Variants in SPOCK1 observed in about 807,000 individuals in gnomAD.
The protein encoded by SPOCK1 is SPARC (osteonectin), cwcv and kazal like domains proteoglycan 1.
Under a neutral mutation model 55.3 loss-of-function variants are expected in SPOCK1, and 23 were observed. The observed-to-expected ratio is 0.42, with a 90% confidence interval of 0.30 to 0.59. The LOEUF (loss-of-function observed/expected upper bound fraction) is 0.59, where lower values mean the gene tolerates loss of function less well. Among genes scored for constraint, SPOCK1 ranks in the 20% least tolerant of loss-of-function variants. The probability of loss-of-function intolerance (pLI) is 0.22; values close to 1 mark genes in which losing one functional copy is unlikely to be tolerated. For missense variants in SPOCK1, 499 were observed against 552.5 expected (o/e 0.90, Z 0.97); for synonymous variants, 226 against 221.0 (o/e 1.02, Z -0.20).
chr5:137,366,002 G>A (rs1396051496), intron 2 of SPOCK1, among the ~76,000 whole-genome samples: 1 of 152,184 alleles, frequency 6.6e-6, no homozygotes, highest in East Asian at 1.9e-4. Context: ...TTGCCCAAAA[G>A]GGTGCAGCAA....
At chr5:137,145,509 G>A (rs978395939) in intron 3 of SPOCK1, among the ~76,000 whole-genome samples, 1 of 152,210 alleles carries the variant, frequency 6.6e-6, no homozygotes, top group African/African-American at 2.4e-5. Flanking sequence ...ATGCTCAGAT[G>A]AGAAGAAGGT....
intron 2 of SPOCK1, among the ~76,000 whole-genome samples, chr5:137,466,489 G>A (rs1753626777): frequency 6.6e-6 from 1 of 152,148 alleles, no homozygotes; most frequent in African/African-American, 2.4e-5. Context: ...TTTAGGTGAG[G>A]ACAGAGCCCA....
At chr5:137,449,120 CA>C (rs2149834143) in intron 2 of SPOCK1, among the ~76,000 whole-genome samples, 1 of 152,332 alleles carries the variant, frequency 6.6e-6, no homozygotes, top group African/African-American at 2.4e-5. Context: ...AGGACAGTTG[CA>C]GGACCAGGTG....
At chr5:137,266,461 G>C (rs1330960629) in intron 3 of SPOCK1, among the ~76,000 whole-genome samples, 4 of 152,146 alleles carry the variant, frequency 2.6e-5, no homozygotes, top group Admixed American at 2.6e-4. Context: ...GCTTGCTGGG[G>C]GAATGGGGGT....
intron 6 of SPOCK1, among the ~76,000 whole-genome samples, chr5:137,026,233 T>C (rs10479143): frequency 0.13 from 19,881 of 152,218 alleles, 2,194 homozygotes; most frequent in African/African-American, 0.29. Flanking sequence ...AAAACAAGAA[T>C]ACCAGAGCAG....
intron 3 of SPOCK1, among the ~76,000 whole-genome samples, chr5:137,239,771 A>G (rs1243713364): frequency 6.6e-6 from 1 of 152,230 alleles, no homozygotes; most frequent in Non-Finnish European, 1.5e-5. Flanking sequence ...AAAATAAGAC[A>G]AGGGAATTCA....
At chr5:137,033,493 T>C (rs1751823424) in intron 6 of SPOCK1, among the ~76,000 whole-genome samples, 1 of 152,216 alleles carries the variant, frequency 6.6e-6, no homozygotes, top group South Asian at 2.1e-4. Context: ...TGCATGTTCA[T>C]GCCATCCTTC....
At chr5:137,093,990 C>T (rs1473567437) in intron 5 of SPOCK1, among the ~76,000 whole-genome samples, 1 of 152,144 alleles carries the variant, frequency 6.6e-6, no homozygotes, top group Non-Finnish European at 1.5e-5. Flanking sequence ...AGTAATGAGA[C>T]CATGCAATGT....
Position 137,349,415 on chromosome 5 carries a change from T to A in SPOCK1, c.187-82360A>T, listed in dbSNP as rs144024808. Among the ~76,000 whole-genome samples the A allele has an allele frequency of 5.9e-3, 899 of 152,278 alleles. 13 individuals are homozygous for A. The highest frequency in any genetic ancestry group is 0.021 in the African/African-American group (862 of 41,548). ...CTGAAGATTCAGGTTTCCAGCTTGATCAAGTGGAGAAATTGGGGAATGACT... is the reference window on the plus strand; with the variant it reads ...CTGAAGATTCAGGTTTCCAGCTTGAACAAGTGGAGAAATTGGGGAATGACT... On this transcript the variant is annotated intron_variant, in intron 2 of 10. Coordinates refer to ENST00000394945, the MANE Select transcript of SPOCK1 (RefSeq NM_004598.4).
At chr5:137,373,603 G>A (rs547882815) in intron 2 of SPOCK1, among the ~76,000 whole-genome samples, 63 of 152,226 alleles carry the variant, frequency 4.1e-4, no homozygotes, top group Non-Finnish European at 7.3e-5. Context: ...CTATGCAGGT[G>A]AGGGTCCTGA....
intron 3 of SPOCK1, among the ~76,000 whole-genome samples, chr5:137,149,533 C>T (rs1754271250): frequency 1.3e-5 from 2 of 152,108 alleles, no homozygotes; most frequent in South Asian, 4.1e-4. Context: ...TAGTAAAAAT[C>T]AAATATTTCC....
intron 3 of SPOCK1, among the ~76,000 whole-genome samples, chr5:137,174,755 G>T (rs1294419204): frequency 6.6e-6 from 1 of 152,242 alleles, no homozygotes; most frequent in Non-Finnish European, 1.5e-5. Context: ...GATCAGGGAA[G>T]AAACACTATT....
At position 136,984,768 on chromosome 5, in the gene SPOCK1, G is replaced by A. The variant is rs114056784; in HGVS notation, c.991+372C>T. On this transcript the variant is annotated intron_variant, in intron 9 of 10. Transcript: ENST00000394945. ...CCTCCTTCAACAGACAATCCTATCCGGGGAATGGAGGAAATGCTATAATTT... is the reference window on the plus strand; with the variant it reads ...CCTCCTTCAACAGACAATCCTATCCAGGGAATGGAGGAAATGCTATAATTT... Among the ~76,000 whole-genome samples the A allele has an allele frequency of 6.1e-3, 924 of 152,298 alleles. 8 individuals carry two copies. Among genetic ancestry groups the A allele is most frequent in the African/African-American group, 0.021 (892 of 41,562 alleles).
chr5:137,269,371 G>T (rs1313982869), intron 2 of SPOCK1, among the ~76,000 whole-genome samples: 1 of 152,202 alleles, frequency 6.6e-6, no homozygotes, highest in Non-Finnish European at 1.5e-5. Flanking sequence ...CAATGAGCCA[G>T]AGCTGATAAA....
At chr5:137,198,601 T>G (rs1319672919) in intron 3 of SPOCK1, among the ~76,000 whole-genome samples, 4 of 152,248 alleles carry the variant, frequency 2.6e-5, no homozygotes, top group African/African-American at 7.2e-5. Context: ...CTACGAAATT[T>G]TTTGCTCATC....
At chr5:137,376,310 C>A (rs1751313632) in intron 2 of SPOCK1, among the ~76,000 whole-genome samples, 1 of 152,232 alleles carries the variant, frequency 6.6e-6, no homozygotes, top group African/African-American at 2.4e-5. Context: ...CTGCAGACAG[C>A]ACCGGCTGCC....
intron 2 of SPOCK1, among the ~76,000 whole-genome samples, chr5:137,444,652 C>A (rs556074526): frequency 6.6e-6 from 1 of 152,330 alleles, no homozygotes; most frequent in Non-Finnish European, 1.5e-5. Context: ...TCTTAACACT[C>A]TTAGAAGCAA....
intron 6 of SPOCK1, among the ~76,000 whole-genome samples, chr5:137,038,220 G>T (rs1052945409): frequency 7.9e-5 from 12 of 152,208 alleles, no homozygotes; most frequent in African/African-American, 2.4e-4. Flanking sequence ...TGAGACTCAT[G>T]AAAGACCTTA....
At chr5:136,988,157 A>T (rs1403473068) in intron 8 of SPOCK1, among the ~76,000 whole-genome samples, 1 of 152,208 alleles carries the variant, frequency 6.6e-6, no homozygotes, top group Non-Finnish European at 1.5e-5. Context: ...TATAGATGAA[A>T]ATACGGACAG....
Sources: allele counts gnomAD v4.1 joint callset (sites outside exome capture counted in the v4.1 genomes callset), GRCh38; gene constraint gnomAD v4.1.1; transcripts MANE v1.5; gene names NCBI Gene and HGNC (gene_info 2026-07-23, HGNC 2026-07-21).